ARPC1A: variants seen among roughly 807,000 people sequenced by gnomAD.
ARPC1A encodes actin-related protein 2/3 complex subunit 1A.
ARPC1A carries 8 observed loss-of-function variants against 46.9 expected under a neutral mutation model. That is an observed-to-expected ratio of 0.17 (90% CI 0.10 to 0.31). The LOEUF (loss-of-function observed/expected upper bound fraction) is 0.31, where lower values mean the gene tolerates loss of function less well. ARPC1A is among the 10% of genes least tolerant of loss of function. The pLI is 1.00. For missense variants in ARPC1A, 286 were observed against 483.6 expected, an observed-to-expected ratio of 0.59 and a Z score of 3.83; for synonymous variants, 152 against 169.0, an observed-to-expected ratio of 0.90 and a Z score of 0.78.
chr7:99,340,269 TC>T (rs910428400), intron 3 of ARPC1A, among the ~76,000 whole-genome samples: 7 of 152,074 alleles, frequency 4.6e-5, no homozygotes, highest in African/African-American at 1.7e-4. Context: ...TTCAAGCAAT[TC>T]TCCCGCCTCA....
intron 2 of ARPC1A, among the ~76,000 whole-genome samples, chr7:99,336,481 A>ATTTTTT (rs757908410): frequency 6.8e-5 from 7 of 103,188 alleles, no homozygotes; most frequent in African/African-American, 8.4e-5. Context: ...ATAGGTCTTA[A>ATTTTTT]TTTTTTTTTT....
chr7:99,358,302 C>G (rs1339925414), intron 6 of ARPC1A, 38 bp from the exon 7 acceptor site: 1 of 1,584,384 alleles, frequency 6.3e-7, no homozygotes. Context: ...AGCTAATAGT[C>G]TGTTGCATCT....
chr7:99,328,993 G>A (rs1793099215), intron 1 of ARPC1A, among the ~76,000 whole-genome samples: 1 of 151,332 alleles, frequency 6.6e-6, no homozygotes, highest in African/African-American at 2.4e-5. Context: ...AGGGGGGAGG[G>A]AGGGAGGAAA....
In ARPC1A at chr7:99,363,570, G is replaced by T. The variant is rs1297758151; in HGVS notation, c.1011G>T (p.Lys337Asn). The part of the protein sequence containing the change: ...ITQVSIYEVD[K>N]QDCRKFCTTG... ...AAGTCTCTATTTATGAGGTGGACAA[G>T]CAAGATTGTCGCAAATTTTGCACTA... Residue 337 changes from lysine (K) to asparagine (N), a missense_variant, in exon 9 of 10, where the codon AAG (lysine) becomes AAT (asparagine). Around this residue, in one of 5 missense-constraint regions of ARPC1A, gnomAD observed 182 missense variants for 276.7 expected, o/e 0.66. Coordinates refer to ENST00000262942, the MANE Select transcript of ARPC1A (RefSeq NM_006409.4). 2 of 1,613,180 alleles carry T rather than the reference G, an allele frequency of 1.2e-6. No individual in the cohort carries two copies. Among genetic ancestry groups the T allele is most frequent in the East Asian group, 4.5e-5 (2 of 44,862 alleles).
chr7:99,328,673 G>C (rs1793093045), intron 1 of ARPC1A, among the ~76,000 whole-genome samples: 1 of 152,142 alleles, frequency 6.6e-6, no homozygotes. Context: ...GTGGGGGCCG[G>C]GCATGGTGGC....
chr7:99,340,112 G>T, intron 3 of ARPC1A: 2 of 413,852 alleles, frequency 4.8e-6, no homozygotes, highest in South Asian at 3.3e-5. Context: ...CATAAATCCT[G>T]ATCATTTTTT....
chr7:99,352,612 C>G (rs966900797), intron 5 of ARPC1A, among the ~76,000 whole-genome samples: 3 of 150,254 alleles, frequency 2.0e-5, no homozygotes, highest in African/African-American at 4.9e-5. Flanking sequence ...TTGATCACAC[C>G]ACTACACTCC....
chr7:99,365,260 T>C (rs549605967), intron 9 of ARPC1A, among the ~76,000 whole-genome samples: 1 of 151,692 alleles, frequency 6.6e-6, no homozygotes, highest in African/African-American at 2.4e-5. Flanking sequence ...GAGACCAGTT[T>C]GGGCAACATA....
chr7:99,353,113 T>TTTATGTTATG (rs201492356), intron 5 of ARPC1A, among the ~76,000 whole-genome samples: 2,663 of 136,702 alleles, frequency 0.019, 35 homozygotes, highest in East Asian at 0.028. Flanking sequence ...TTTAGTTTAG[T>TTTATGTTATG]TTATGTTATG....
chr7:99,352,757 G>C (rs1793564739), intron 5 of ARPC1A, among the ~76,000 whole-genome samples: 1 of 151,860 alleles, frequency 6.6e-6, no homozygotes, highest in Non-Finnish European at 1.5e-5. Flanking sequence ...CTGAGGTCAG[G>C]AGTTCAAGAC....
intron 9 of ARPC1A, among the ~76,000 whole-genome samples, chr7:99,364,357 C>T (rs1354696178): frequency 1.3e-5 from 2 of 151,112 alleles, no homozygotes; most frequent in Non-Finnish European, 2.9e-5. Flanking sequence ...ACCACAACCT[C>T]CGCCTCTGGG....
chr7:99,360,123 C>T (rs1204367580), intron 8 of ARPC1A: 1 of 225,460 alleles, frequency 4.4e-6, no homozygotes, highest in Non-Finnish European at 8.9e-6. Flanking sequence ...GCACACATAA[C>T]AGAAAGCGAA....
chr7:99,343,330 G>A (rs896136208), intron 3 of ARPC1A, among the ~76,000 whole-genome samples: 1 of 151,946 alleles, frequency 6.6e-6, no homozygotes, highest in Non-Finnish European at 1.5e-5. Context: ...GCCGGGCATG[G>A]TGGCATCTGC....
intron 5 of ARPC1A, among the ~76,000 whole-genome samples, chr7:99,352,966 C>CAA (rs991525481): frequency 1.4e-5 from 2 of 142,158 alleles, no homozygotes; most frequent in African/African-American, 2.9e-5. Context: ...CTCTGTCCCC[C>CAA]AAAAATATAT....
chr7:99,329,518 G>T (rs907471751), intron 1 of ARPC1A, among the ~76,000 whole-genome samples: 6 of 152,112 alleles, frequency 3.9e-5, no homozygotes. Flanking sequence ...CATTCACTGG[G>T]TTTCATGAAT....
At chr7:99,341,853 G>T (rs1446237842) in intron 3 of ARPC1A, among the ~76,000 whole-genome samples, 3 of 151,926 alleles carry the variant, frequency 2.0e-5, no homozygotes, top group Non-Finnish European at 4.4e-5. Flanking sequence ...ATATAACTCT[G>T]GGGCAGGAGA....
chr7:99,333,079 T>A (rs1793175267), intron 1 of ARPC1A, among the ~76,000 whole-genome samples: 1 of 152,138 alleles, frequency 6.6e-6, no homozygotes, highest in African/African-American at 2.4e-5. Flanking sequence ...GTATTTTTAG[T>A]AGAAACTGGG....
rs1164787781 is a variant in ARPC1A, at chr7:99,353,923, A to G, written c.515A>G (p.Tyr172Cys). The change falls in exon 6 of 10, where the codon TAC becomes TGC. Residue 172 changes from tyrosine (Y) to cysteine (C), a missense_variant. Tyr to Cys is a radical substitution (Grantham distance 194). Around this residue, in one of 5 missense-constraint regions of ARPC1A, gnomAD observed 182 missense variants for 276.7 expected, o/e 0.66. Coordinates refer to ENST00000262942, the MANE Select transcript of ARPC1A (RefSeq NM_006409.4). ...CCTTTAAACAGAGTGTTTTCTGCCT[A>G]CATTAAAGAAGTGGATGAAAAGCCA... is the stretch of plus-strand genomic sequence containing the variant. ...CDFKCRVFSA[Y>C]IKEVDEKPAS... 2 of 1,613,682 alleles carry G rather than the reference A, an allele frequency of 1.2e-6. No individual in the cohort carries two copies. The highest frequency in any genetic ancestry group is 1.7e-6 in the Non-Finnish European group (2 of 1,179,790).
intron 4 of ARPC1A, among the ~76,000 whole-genome samples, chr7:99,347,266 C>G (rs1346858178): frequency 6.6e-6 from 1 of 152,108 alleles, no homozygotes; most frequent in Non-Finnish European, 1.5e-5. Context: ...GACAGGTTCT[C>G]ACTTTTCTTG....
Sources: allele counts gnomAD v4.1 joint callset (sites outside exome capture counted in the v4.1 genomes callset), GRCh38; gene constraint gnomAD v4.1.1; regional missense constraint gnomAD v4.1.1; transcripts MANE v1.5; gene names NCBI Gene and HGNC (gene_info 2026-07-23, HGNC 2026-07-21).